Variants in BEAN1 observed in about 807,000 individuals in gnomAD.
BEAN1 encodes protein BEAN1.
Under a neutral mutation model 17.7 loss-of-function variants are expected in BEAN1, and 17 were observed. That is an observed-to-expected ratio of 0.96 (90% confidence interval 0.66 to 1.44). BEAN1 has a LOEUF of 1.44. Ranked by LOEUF, BEAN1 falls within the 40% of genes most tolerant of loss-of-function variation. BEAN1 has a pLI of 0.00. For synonymous variants in BEAN1, 142 were observed against 151.8 expected (o/e 0.94, Z 0.47); for missense variants, 359 against 374.1 (o/e 0.96, Z 0.33).
At chr16:66,433,578 C>G (rs1049670372) in intron 1 of BEAN1, among the ~76,000 whole-genome samples, 4 of 146,204 alleles carry the variant, frequency 2.7e-5, no homozygotes, top group Admixed American at 6.8e-5. Context: ...GAGAGAATAG[C>G]TGAGCAATCC....
Position 66,478,615 on chromosome 16 carries a change from T to A in BEAN1, c.440+905T>A, listed in dbSNP as rs1000265795. Among the ~76,000 whole-genome samples, 10 of 151,808 alleles carry A rather than the reference T, an allele frequency of 6.6e-5. No individual in the cohort carries two copies. In the South Asian group the frequency reaches 8.3e-4, roughly 13 times the overall value. On this transcript the variant is annotated intron_variant, in intron 4 of 4. Transcript: ENST00000536005. ...AGACTTCGTCTCAAAAAAATAATAA[T>A]AAAATAATAATAATAATATCTGCCC... is the stretch of plus-strand genomic sequence containing the variant.
chr16:66,453,774 C>A (rs1245454900), intron 2 of BEAN1, among the ~76,000 whole-genome samples: 1 of 150,158 alleles, frequency 6.7e-6, no homozygotes, highest in African/African-American at 2.5e-5. Flanking sequence ...TGCTCTGTTG[C>A]CCAGGCTGGA....
chr16:66,441,340 C>T (rs1365621256), intron 2 of BEAN1, among the ~76,000 whole-genome samples: 3 of 152,304 alleles, frequency 2.0e-5, no homozygotes, highest in Admixed American at 1.3e-4. Flanking sequence ...CATAGGAACA[C>T]TCAGGAAGGA....
chr16:66,479,417 G>A (rs1030275832), intron 4 of BEAN1, among the ~76,000 whole-genome samples: 2 of 152,100 alleles, frequency 1.3e-5, no homozygotes, highest in Admixed American at 1.3e-4. Context: ...GGCCTCCATT[G>A]TGGTCAGGCA....
At chr16:66,440,399 G>A (rs909384437) in intron 2 of BEAN1, among the ~76,000 whole-genome samples, 1 of 152,190 alleles carries the variant, frequency 6.6e-6, no homozygotes, top group Non-Finnish European at 1.5e-5. Context: ...CCAAAGAGCT[G>A]GGATTACAGG....
At chr16:66,431,637 G>GTAT (rs1567479012) in intron 1 of BEAN1, among the ~76,000 whole-genome samples, 1 of 151,362 alleles carries the variant, frequency 6.6e-6, no homozygotes, top group African/African-American at 2.4e-5. Flanking sequence ...AAGGATCACG[G>GTAT]TATATGGTAT....
In BEAN1 at chr16:66,448,181, T is replaced by C. The variant is rs137855812; in HGVS notation, c.25+10480T>C. Among the ~76,000 whole-genome samples the C allele has an allele frequency of 5.0e-4, 76 of 152,156 alleles. 1 individual carries two copies. Among genetic ancestry groups the C allele is most frequent in the Middle Eastern group, 6.8e-3 (2 of 294 alleles). Reference sequence around the variant, plus strand: ...AACATCTACAGCAAGAACCGAGAATTCCTTTCCTAGAGAGATGCTCTAGGG... The same window carrying C: ...AACATCTACAGCAAGAACCGAGAATCCCTTTCCTAGAGAGATGCTCTAGGG... On this transcript the variant is annotated intron_variant, in intron 2 of 4. Transcript: ENST00000536005.
Position 66,473,447 on chromosome 16 carries a change from C to A in BEAN1, c.289+3582C>A, listed in dbSNP as rs552713984. On this transcript the variant is annotated intron_variant, in intron 3 of 4. Transcript: ENST00000536005. This position sits in a 1 kb window ranked among gnomAD's most constrained non-coding sequence, Gnocchi z 4.5. Reference sequence around the variant, plus strand: ...GGTGCTGTTGCCCCATATCTTCCCCCAGCCTTCTGGAGGATGCGCAGGGGC... The same window carrying A: ...GGTGCTGTTGCCCCATATCTTCCCCAAGCCTTCTGGAGGATGCGCAGGGGC... Among the ~76,000 whole-genome samples, 1 of 152,314 alleles carries A rather than the reference C, an allele frequency of 6.6e-6. No homozygotes were observed. The highest frequency in any genetic ancestry group is 2.1e-4 in the South Asian group (1 of 4,830).
chr16:66,450,603 A>G (rs1962636604), intron 2 of BEAN1, among the ~76,000 whole-genome samples: 1 of 152,176 alleles, frequency 6.6e-6, no homozygotes, highest in Non-Finnish European at 1.5e-5. Context: ...CTATAGTCCC[A>G]GCTACTTGGA....
chr16:66,477,486 G>A (rs1963795122), intron 3 of BEAN1, 74 bp from the exon 4 acceptor site: 4 of 1,378,408 alleles, frequency 2.9e-6, no homozygotes, highest in South Asian at 3.1e-5. Flanking sequence ...ATGGCCCCAG[G>A]TAGACCTACA....
chr16:66,474,544 AAGAG>A (rs1475557434), intron 3 of BEAN1, among the ~76,000 whole-genome samples: 1 of 80,136 alleles, frequency 1.2e-5, no homozygotes, highest in Non-Finnish European at 2.4e-5. Context: ...AGGAAGAAGA[AAGAG>A]GGAGGGAGAG....
rs150430816 is a variant in BEAN1, at chr16:66,463,472, C to G, written c.26-6130C>G. 3.3e-5 allele frequency among the ~76,000 whole-genome samples: 5 copies of G among 152,236 alleles called. No homozygotes were observed. In the East Asian group the frequency reaches 9.6e-4, roughly 29 times the overall value. On this transcript the variant is annotated intron_variant, in intron 2 of 4. Coordinates refer to ENST00000536005, the MANE Select transcript of BEAN1 (RefSeq NM_001178020.3). The stretch of plus-strand genomic sequence containing the variant: ...AGAAATGTCTGTTCAGATCTTTTGA[C>G]AATTTTTTTAATTGGGTTGTCTTTT...
chr16:66,493,384 C>T (rs1433137542), exon 5 of BEAN1: 3 of 643,816 alleles, frequency 4.7e-6, no homozygotes. Flanking sequence ...TGGCTCTGAG[C>T]CCATCTGAGG....
At chr16:66,436,504 T>C (rs1194295176) in intron 1 of BEAN1, among the ~76,000 whole-genome samples, 2 of 151,062 alleles carry the variant, frequency 1.3e-5, no homozygotes, top group Non-Finnish European at 2.9e-5. Context: ...GGTCTCGATC[T>C]CCTGACCTTA....
At chr16:66,491,485 A>C (rs923808607) in intron 4 of BEAN1, among the ~76,000 whole-genome samples, 3 of 152,166 alleles carry the variant, frequency 2.0e-5, no homozygotes, top group African/African-American at 7.2e-5. Context: ...CTTCAGTCCC[A>C]TTTCAGTTTA....
At chr16:66,438,098 T>A (rs1455284496) in intron 2 of BEAN1, 1 of 275,194 alleles carries the variant, frequency 3.6e-6, no homozygotes, top group African/African-American at 2.2e-5. Context: ...AATATGGTGA[T>A]GTGTGGCCGG....
chr16:66,478,191 T>C (rs1305320793), intron 4 of BEAN1: 1 of 153,082 alleles, frequency 6.5e-6, no homozygotes, highest in African/African-American at 2.4e-5. Context: ...GACAAGCCCA[T>C]ATGCTGACAT....
chr16:66,430,059 C>T (rs950119140), intron 1 of BEAN1, among the ~76,000 whole-genome samples: 6 of 152,178 alleles, frequency 3.9e-5, no homozygotes, highest in African/African-American at 1.4e-4. Flanking sequence ...AGAGTCACGG[C>T]TGAGAGCAGT....
At chr16:66,484,130 A>T (rs1346480), downstream of BEAN1, 49,477 of 179,950 alleles carry the variant, frequency 0.27, 11,157 homozygotes, top group African/African-American at 0.65. This position sits in a 1 kb window ranked among gnomAD's most constrained non-coding sequence, Gnocchi z 4.2. Context: ...CGCCAGCATC[A>T]CTCTCTGGAC....
Sources: allele counts gnomAD v4.1 joint callset (sites outside exome capture counted in the v4.1 genomes callset), GRCh38; gene constraint gnomAD v4.1.1; non-coding constraint Gnocchi (gnomAD v3.1); transcripts MANE v1.5; gene names NCBI Gene and HGNC (gene_info 2026-07-23, HGNC 2026-07-21).